The following NTRK2 variants were observed in gnomAD, a reference collection of about 807,000 sequenced individuals.
NTRK2 encodes BDNF/NT-3 growth factors receptor.
In NTRK2, 13 loss-of-function variants were observed where a neutral mutation model predicts 94.5. That is an observed-to-expected ratio of 0.14 (90% CI 0.09 to 0.22). NTRK2 has a LOEUF of 0.22. NTRK2 is among the 10% of genes least tolerant of loss of function. The pLI, the probability that NTRK2 is intolerant of heterozygous loss-of-function variation, is 1.00. For missense variants in NTRK2, 639 were observed against 1,071.2 expected, an observed-to-expected ratio of 0.60 and a Z score of 5.63; for synonymous variants, 372 against 407.4, an observed-to-expected ratio of 0.91 and a Z score of 1.05.
At chr9:84,735,963 A>G (rs7039299) in intron 9 of NTRK2, among the ~76,000 whole-genome samples, 13,302 of 152,250 alleles carry the variant, frequency 0.087, 1,056 homozygotes, top group African/African-American at 0.21. Flanking sequence ...AAGAAACCTG[A>G]AGCCTTTGTT....
In NTRK2 at chr9:84,670,905, G is replaced by A. The variant is rs778391314; in HGVS notation, c.157G>A (p.Val53Met). The change falls in exon 2 of 19, where the codon GTG becomes ATG. Residue 53 changes from valine to methionine, a missense_variant. This residue lies in a region of NTRK2 where 206 missense variants were observed against 251.5 expected (regional missense o/e 0.82). Coordinates refer to ENST00000277120, the MANE Select transcript of NTRK2 (RefSeq NM_006180.6). ...GTGCAGCGACCCTTCTCCTGGCATCGTGGCATTTCCGAGATTGGAGCCTAA... is the reference window on the plus strand; with the variant it reads ...GTGCAGCGACCCTTCTCCTGGCATCATGGCATTTCCGAGATTGGAGCCTAA... ...IWCSDPSPGI[V>M]AFPRLEPNSV... 12 of 1,611,542 alleles carry A rather than the reference G, an allele frequency of 7.4e-6. No homozygotes were observed. Among genetic ancestry groups the A allele is most frequent in the East Asian group, 4.5e-5 (2 of 44,884 alleles).
intron 14 of NTRK2, among the ~76,000 whole-genome samples, chr9:84,891,574 GAAGT>G (rs1339222627): frequency 6.6e-6 from 1 of 152,214 alleles, no homozygotes; most frequent in Non-Finnish European, 1.5e-5. Context: ...TGCCACTAGG[GAAGT>G]AAGTGCCAGG....
rs369947830 is a variant in NTRK2, at chr9:84,750,713, C to T, written c.1297-1273C>T. ...GGCTGGCAAAGCCTGAAGTATTTACCATCTGACCTTTACAGCAAAAGTTTG... is the reference window on the plus strand; with the variant it reads ...GGCTGGCAAAGCCTGAAGTATTTACTATCTGACCTTTACAGCAAAAGTTTG... On this transcript the variant is annotated intron_variant, in intron 11 of 18. Transcript: ENST00000277120. 5.5e-4 allele frequency among the ~76,000 whole-genome samples: 84 copies of T among 152,314 alleles called. 3 individuals are homozygous for T. The South Asian group carries it at 0.016, about 28-fold the overall frequency.
At chr9:84,801,751 C>G (rs1046106336) in intron 12 of NTRK2, among the ~76,000 whole-genome samples, 3 of 152,138 alleles carry the variant, frequency 2.0e-5, no homozygotes, top group African/African-American at 7.2e-5. Context: ...AGGACATAAT[C>G]CCATCATCAA....
At chr9:84,813,789 C>G in intron 12 of NTRK2, 1 of 1,065,956 alleles carries the variant, frequency 9.4e-7, no homozygotes, top group East Asian at 5.0e-5. Flanking sequence ...TCTCTTGGCC[C>G]AGTCAGGTGC....
intron 10 of NTRK2, among the ~76,000 whole-genome samples, chr9:84,744,134 A>G (rs2063864587): frequency 6.6e-6 from 1 of 152,190 alleles, no homozygotes; most frequent in African/African-American, 2.4e-5. Flanking sequence ...CAATAAGTTT[A>G]CCAAGAGTTT....
chr9:84,782,094 G>A (rs1479239945), intron 12 of NTRK2, among the ~76,000 whole-genome samples: 10 of 149,384 alleles, frequency 6.7e-5, no homozygotes, highest in East Asian at 1.9e-4. Flanking sequence ...AAACAAACAC[G>A]TCAGTGGGTG....
chr9:84,863,450 T>C (rs1020422170), intron 13 of NTRK2, among the ~76,000 whole-genome samples: 9 of 152,234 alleles, frequency 5.9e-5, no homozygotes, highest in South Asian at 2.1e-4. Context: ...TTATAATACA[T>C]TTTTTCAAGT....
intron 14 of NTRK2, among the ~76,000 whole-genome samples, chr9:84,917,051 G>A (rs936867394): frequency 1.3e-5 from 2 of 152,082 alleles, no homozygotes; most frequent in Non-Finnish European, 2.9e-5. Context: ...TCAGTGTCCT[G>A]TAGCTTTCCT....
intron 12 of NTRK2, among the ~76,000 whole-genome samples, chr9:84,790,521 C>A (rs959657050): frequency 6.6e-6 from 1 of 152,176 alleles, no homozygotes; most frequent in Non-Finnish European, 1.5e-5. Context: ...ATTTAGAGGA[C>A]TGCTTAATTT....
At chr9:84,846,132 T>C (rs2074460389) in intron 12 of NTRK2, among the ~76,000 whole-genome samples, 1 of 152,172 alleles carries the variant, frequency 6.6e-6, no homozygotes, top group East Asian at 1.9e-4. Context: ...AACTTCCAAA[T>C]TTGACAATGC....
At chr9:84,730,724 G>C (rs1489110026) in intron 9 of NTRK2, among the ~76,000 whole-genome samples, 1 of 76,332 alleles carries the variant, frequency 1.3e-5, no homozygotes, top group Non-Finnish European at 2.2e-5. Context: ...CTGGGCGACA[G>C]AGCGAGACTC....
intron 12 of NTRK2, among the ~76,000 whole-genome samples, chr9:84,848,854 A>G (rs1167759526): frequency 2.0e-5 from 3 of 152,344 alleles, no homozygotes; most frequent in Admixed American, 6.5e-5. Context: ...ATATGGCAAA[A>G]ATATGAGACA....
At chr9:84,794,673 C>T (rs913324013) in intron 12 of NTRK2, among the ~76,000 whole-genome samples, 4 of 152,122 alleles carry the variant, frequency 2.6e-5, no homozygotes, top group African/African-American at 9.7e-5. Flanking sequence ...TCCTCTGTCA[C>T]ACACAGAGCT....
chr9:84,955,926 A>T (rs1374095782), intron 17 of NTRK2, among the ~76,000 whole-genome samples: 1 of 152,170 alleles, frequency 6.6e-6, no homozygotes, highest in East Asian at 1.9e-4. Context: ...GAGGTTATCA[A>T]CGTATAAATT....
chr9:85,025,507 T>C lies in NTRK2; in HGVS notation c.*4070T>C, dbSNP rs183171702. The C allele has an allele frequency of 2.2e-3, 517 of 233,234 alleles. 2 individuals carry two copies. Among genetic ancestry groups the C allele is most frequent in the Non-Finnish European group, 3.5e-3 (410 of 118,018 alleles). 14.4% of individuals were successfully genotyped at this position (233,234 alleles called of 1,614,324 possible). A position where few individuals can be genotyped will look rare whatever the true frequency, so the allele number is the denominator to read the frequency against. ...AGAGTGAATGCACCAACTAACAGTA[T>C]AGAATGCTGTCCTTTTCAAAGCGTC... is the stretch of plus-strand genomic sequence containing the variant. On this transcript the variant is annotated 3_prime_UTR_variant, in exon 19 of 19. Coordinates refer to ENST00000277120, the MANE Select transcript of NTRK2 (RefSeq NM_006180.6).
intron 17 of NTRK2, among the ~76,000 whole-genome samples, chr9:85,001,026 C>T (rs548823973): frequency 2.6e-5 from 4 of 152,306 alleles, no homozygotes; most frequent in Admixed American, 1.3e-4. Context: ...ACCACTTAAT[C>T]GCATCTCAGG....
intron 17 of NTRK2, among the ~76,000 whole-genome samples, chr9:84,960,639 T>TGAG (rs1455791734): frequency 6.6e-6 from 1 of 152,198 alleles, no homozygotes; most frequent in African/African-American, 2.4e-5. Flanking sequence ...ATTCCCTCTA[T>TGAG]GAGGAGCAGC....
intron 14 of NTRK2, among the ~76,000 whole-genome samples, chr9:84,926,229 T>A (rs2077813148): frequency 6.8e-6 from 1 of 147,332 alleles, no homozygotes; most frequent in Non-Finnish European, 1.5e-5. Context: ...TTTCTTTCTT[T>A]CTTTTTCTTT....
Sources: allele counts gnomAD v4.1 joint callset (sites outside exome capture counted in the v4.1 genomes callset), GRCh38; gene constraint gnomAD v4.1.1; regional missense constraint gnomAD v4.1.1; transcripts MANE v1.5; gene names NCBI Gene and HGNC (gene_info 2026-07-23, HGNC 2026-07-21).